Variants in CFAP52 observed in about 807,000 individuals in gnomAD.
CFAP52 encodes the protein cilia- and flagella-associated protein 52.
In CFAP52, 57 loss-of-function variants were observed where a neutral mutation model predicts 70.5. The ratio of observed to expected loss-of-function variants is 0.81; its 90% CI spans 0.65 to 1.01. CFAP52 has a LOEUF of 1.01. CFAP52 is among the 50% of genes least tolerant of loss of function. The pLI, the probability that CFAP52 is intolerant of heterozygous loss-of-function variation, is 0.00. For missense variants in CFAP52, 785 were observed against 788.5 expected (o/e 1.00, Z 0.05); for synonymous variants, 267 against 292.5 (o/e 0.91, Z 0.89).
chr17:9,635,577 G>A (rs562063221), intron 11 of CFAP52, 21 bp downstream of exon 11: 4 of 1,613,900 alleles, frequency 2.5e-6, no homozygotes, highest in Non-Finnish European at 3.4e-6. Context: ...GTGATGGGGA[G>A]GATGCAGTGA....
Position 9,628,738 on chromosome 17 carries a change from C to T in CFAP52, c.1092C>T (p.Asn364=), listed in dbSNP as rs746932861. Residue 364 remains asparagine (N), a synonymous_variant, in exon 9 of 14, where the codon AAC becomes AAT. Transcript: ENST00000352665. ...TCAGGGTGTGGCACACATCATCCAA[C>T]AGGGAGCTGCTGCGGATCACCGTGC... ...KDIRVWHTSS[N]RELLRITVPN... The T allele has an allele frequency of 1.9e-6, 3 of 1,614,070 alleles. No homozygotes were observed. In the African/African-American group the frequency reaches 4.0e-5, roughly 22 times the overall value.
intron 3 of CFAP52, among the ~76,000 whole-genome samples, chr17:9,592,398 G>A (rs1038460871): frequency 1.3e-5 from 2 of 150,220 alleles, no homozygotes; most frequent in African/African-American, 5.1e-5. Flanking sequence ...GAACCCAGGA[G>A]GCAGAGGTTG....
chr17:9,595,363 T>C lies in CFAP52; in HGVS notation c.536+1042T>C, dbSNP rs543186363. 6.6e-5 allele frequency among the ~76,000 whole-genome samples: 10 copies of C among 152,276 alleles called. No individual in the cohort carries two copies. In the South Asian group the frequency reaches 2.1e-3, roughly 32 times the overall value. On this transcript the variant is annotated intron_variant, in intron 4 of 13. Coordinates refer to ENST00000352665, the MANE Select transcript of CFAP52 (RefSeq NM_145054.5). ...ATTGTTTCCTGTCCCCGCTTTATGA[T>C]ATGCAACTTACATTTGCTCCATGGC...
chr17:9,631,006 GAAAGAAAGAA>G, intron 9 of CFAP52, among the ~76,000 whole-genome samples: 1 of 50,078 alleles, frequency 2.0e-5, no homozygotes, highest in South Asian at 1.0e-3. Flanking sequence ...AAGAAAGAAA[GAAAGAAAGAA>G]AGAAAGAAAG....
intron 8 of CFAP52, among the ~76,000 whole-genome samples, chr17:9,612,794 C>T (rs569395621): frequency 1.1e-4 from 16 of 149,452 alleles, no homozygotes; most frequent in East Asian, 5.8e-4. Flanking sequence ...CAGTCCCTGA[C>T]TTATGATTTT....
intron 6 of CFAP52, among the ~76,000 whole-genome samples, chr17:9,606,689 A>T (rs769573926): frequency 7.2e-5 from 11 of 152,216 alleles, no homozygotes; most frequent in Non-Finnish European, 1.6e-4. Flanking sequence ...TAGAAATCAC[A>T]CATATGTAGC....
intron 4 of CFAP52, among the ~76,000 whole-genome samples, chr17:9,596,055 G>A (rs1908989032): frequency 1.1e-5 from 1 of 90,460 alleles, no homozygotes; most frequent in Non-Finnish European, 2.0e-5. Flanking sequence ...ATATATATGT[G>A]TGTGTATATA....
chr17:9,593,702 C>T (rs910256261), intron 3 of CFAP52, among the ~76,000 whole-genome samples: 10 of 152,232 alleles, frequency 6.6e-5, no homozygotes, highest in Middle Eastern at 3.4e-3. Flanking sequence ...GTGATCCACC[C>T]GCCTCGGCCT....
At chr17:9,598,924 G>A (rs963753879) in intron 5 of CFAP52, among the ~76,000 whole-genome samples, 2 of 152,024 alleles carry the variant, frequency 1.3e-5, no homozygotes, top group East Asian at 1.9e-4. Flanking sequence ...AATGCAGCCC[G>A]TGGCACTCAG....
intron 8 of CFAP52, among the ~76,000 whole-genome samples, chr17:9,615,088 A>T (rs945824555): frequency 2.0e-5 from 3 of 152,246 alleles, no homozygotes; most frequent in Admixed American, 6.5e-5. Flanking sequence ...GAGGCTGCTG[A>T]GTTGTGAATA....
At chr17:9,585,472 G>A (rs574447947) in intron 1 of CFAP52, among the ~76,000 whole-genome samples, 1 of 152,058 alleles carries the variant, frequency 6.6e-6, no homozygotes, top group Non-Finnish European at 1.5e-5. Context: ...TTCAAGACCA[G>A]CCTGACCAAC....
chr17:9,631,014 GAAAGAAAGAAAGAA>G (rs1428912258), intron 9 of CFAP52, among the ~76,000 whole-genome samples: 3 of 58,358 alleles, frequency 5.1e-5, no homozygotes, highest in African/African-American at 2.1e-4. Flanking sequence ...AAGAAAGAAA[GAAAGAAAGAAAGAA>G]AGAGAGAGAG....
At chr17:9,628,440 C>T (rs542285947) in intron 8 of CFAP52, among the ~76,000 whole-genome samples, 2 of 152,038 alleles carry the variant, frequency 1.3e-5, no homozygotes, top group African/African-American at 2.4e-5. Flanking sequence ...CCACCATACC[C>T]GGCTAATTTT....
chr17:9,639,302 G>C (rs1431990792), intron 12 of CFAP52, among the ~76,000 whole-genome samples: 1 of 151,894 alleles, frequency 6.6e-6, no homozygotes, highest in African/African-American at 2.4e-5. Context: ...GTGGTAGCGG[G>C]TGCCTGTAAT....
intron 3 of CFAP52, 42 bp downstream of exon 3, chr17:9,586,876 T>A (rs1041546153): frequency 1.9e-6 from 3 of 1,539,600 alleles, no homozygotes; most frequent in African/African-American, 1.4e-5. Context: ...TTATTTTTTT[T>A]AACTTTTATT....
intron 10 of CFAP52, among the ~76,000 whole-genome samples, chr17:9,634,330 T>G (rs924279651): frequency 1.3e-5 from 2 of 152,206 alleles, no homozygotes; most frequent in Non-Finnish European, 2.9e-5. Context: ...CTGGTGTAGT[T>G]GTGACAGATC....
chr17:9,599,762 A>T (rs1198785733), intron 5 of CFAP52, among the ~76,000 whole-genome samples: 2 of 151,124 alleles, frequency 1.3e-5, no homozygotes, highest in African/African-American at 4.9e-5. Flanking sequence ...TTTTCCTGAG[A>T]CAGAGTTTTG....
Position 9,586,820 on chromosome 17 carries a change from C to T in CFAP52, c.393C>T (p.Gly131=), listed in dbSNP as rs1485769500. 6 of 1,603,484 alleles carry T rather than the reference C, an allele frequency of 3.7e-6. No individual in the cohort carries two copies. The highest frequency in any genetic ancestry group is 2.2e-5 in the East Asian group (1 of 44,662). ...PNDLYLVSLG[G]PDDGSVVVWS... is the part of the protein sequence containing the mutation. The stretch of plus-strand genomic sequence containing the variant: ...ATTTGTACTTGGTATCACTAGGAGG[C>T]CCAGATGACGGAAGGTAATGAACTA... The change falls in exon 3 of 14, where the codon GGC becomes GGT. Residue 131 remains glycine (G), a synonymous_variant. Coordinates refer to ENST00000352665, the MANE Select transcript of CFAP52 (RefSeq NM_145054.5).
rs369821312 is a variant in CFAP52, at chr17:9,576,645, A to G, written c.-51A>G. On this transcript the variant is annotated 5_prime_UTR_variant, in exon 1 of 14. Coordinates refer to ENST00000352665, the MANE Select transcript of CFAP52 (RefSeq NM_145054.5). ...CTCGTCCGTTACCATAACGACCAGA[A>G]GACGCTGCAGCCACTAGGGAGGAGA... 1.4e-5 allele frequency: 22 copies of G among 1,534,084 alleles called. No homozygotes were observed. Among genetic ancestry groups the G allele is most frequent in the Non-Finnish European group, 1.8e-5 (20 of 1,126,874 alleles).
Sources: gnomAD v4.1 joint callset for allele counts (sites outside exome capture counted in the v4.1 genomes callset) on GRCh38, gnomAD v4.1.1 for gene constraint, MANE v1.5 for transcripts, NCBI Gene and HGNC (gene_info 2026-07-23, HGNC 2026-07-21) for gene names.